The following DSCAM variants were observed in gnomAD, a reference collection of about 807,000 sequenced individuals.
DSCAM encodes the protein DS cell adhesion molecule.
In DSCAM, 47 loss-of-function variants were observed where a neutral mutation model predicts 217.7. The observed-to-expected ratio is 0.22, with a 90% CI of 0.17 to 0.28. The LOEUF (loss-of-function observed/expected upper bound fraction) is 0.28, where lower values mean the gene tolerates loss of function less well. Ranked by LOEUF, DSCAM falls within the 10% of genes least tolerant of loss-of-function variation. The probability of loss-of-function intolerance (pLI) is 1.00; values close to 1 mark genes in which losing one functional copy is unlikely to be tolerated. For synonymous variants in DSCAM, 1,056 were observed against 1,015.3 expected (o/e 1.04, Z -0.76); for missense variants, 2,080 against 2,618.3 (o/e 0.79, Z 4.49).
At chr21:40,647,486 A>G (rs2089961739) in intron 3 of DSCAM, among the ~76,000 whole-genome samples, 1 of 149,684 alleles carries the variant, frequency 6.7e-6, no homozygotes, top group Non-Finnish European at 1.5e-5. Context: ...GCCAGTTTTT[A>G]TGGTTATTAA....
chr21:40,457,184 G>A (rs544555326), intron 3 of DSCAM, among the ~76,000 whole-genome samples: 14 of 152,118 alleles, frequency 9.2e-5, no homozygotes, highest in Non-Finnish European at 1.8e-4. Flanking sequence ...TTTCATCTCT[G>A]GCCATAGTGG....
At chr21:40,652,718 C>T (rs1019891664) in intron 3 of DSCAM, among the ~76,000 whole-genome samples, 2 of 152,036 alleles carry the variant, frequency 1.3e-5, no homozygotes, top group African/African-American at 4.8e-5. Flanking sequence ...TTGACTGACT[C>T]CTAGGAGGTA....
chr21:40,073,987 G>A (rs1402907093), intron 27 of DSCAM, among the ~76,000 whole-genome samples: 1 of 152,224 alleles, frequency 6.6e-6, no homozygotes, highest in Non-Finnish European at 1.5e-5. Flanking sequence ...CAGAGCAAAA[G>A]CAAGTTGATA....
intron 11 of DSCAM, among the ~76,000 whole-genome samples, chr21:40,253,868 T>G (rs2146964855): frequency 6.6e-6 from 1 of 152,322 alleles, no homozygotes; most frequent in Middle Eastern, 3.4e-3. Context: ...TGGTAATTGT[T>G]AAGTATGGCA....
chr21:40,324,970 T>C (rs892982931), intron 8 of DSCAM, among the ~76,000 whole-genome samples: 4 of 152,188 alleles, frequency 2.6e-5, no homozygotes, highest in African/African-American at 9.6e-5. Context: ...ATAACAAAAG[T>C]AAACAAGATT....
intron 11 of DSCAM, among the ~76,000 whole-genome samples, chr21:40,208,751 C>G (rs2091152297): frequency 6.6e-6 from 1 of 152,186 alleles, no homozygotes; most frequent in East Asian, 1.9e-4. Flanking sequence ...TAGCCCTACA[C>G]AAAATCCCCT....
intron 27 of DSCAM, among the ~76,000 whole-genome samples, chr21:40,071,116 T>C (rs1374044171): frequency 1.3e-5 from 2 of 152,190 alleles, no homozygotes; most frequent in Admixed American, 6.5e-5. Flanking sequence ...AGTTGATTAC[T>C]TGACACGGGA....
At chr21:40,795,187 T>C (rs1237654442) in intron 1 of DSCAM, among the ~76,000 whole-genome samples, 2 of 152,170 alleles carry the variant, frequency 1.3e-5, no homozygotes, top group Admixed American at 1.3e-4. Flanking sequence ...CTGTCCACAA[T>C]TGCCTGGACT....
intron 8 of DSCAM, among the ~76,000 whole-genome samples, chr21:40,333,078 C>CA (rs1422180756): frequency 2.0e-5 from 3 of 152,104 alleles, no homozygotes; most frequent in Non-Finnish European, 2.9e-5. Context: ...TTTGCTCTTC[C>CA]AAAATTAGCT....
At chr21:40,034,079 A>AAAACAG (rs1601250346) in intron 32 of DSCAM, among the ~76,000 whole-genome samples, 3 of 1,088 alleles carry the variant, frequency 2.8e-3, no homozygotes, top group Admixed American at 0.013. Flanking sequence ...AGATGGGGAA[A>AAAACAG]AACTGGAAAC....
At position 40,486,118 on chromosome 21, in the gene DSCAM, G is replaced by A. The variant is rs2076025996; in HGVS notation, c.509-116873C>T. ...CCCTGATTCCTAGAGGTCAGCCATA[G>A]ATGGCTAACAGATCACCCAACTATA... On this transcript the variant is annotated intron_variant, in intron 3 of 32. Coordinates refer to ENST00000400454, the MANE Select transcript of DSCAM (RefSeq NM_001389.5). 1.3e-5 allele frequency among the ~76,000 whole-genome samples: 2 copies of A among 152,180 alleles called. 1 individual carries two copies. The highest frequency in any genetic ancestry group is 2.9e-5 in the Non-Finnish European group (2 of 68,046).
intron 3 of DSCAM, among the ~76,000 whole-genome samples, chr21:40,566,501 G>A (rs973907978): frequency 2.0e-5 from 3 of 152,086 alleles, no homozygotes; most frequent in South Asian, 2.1e-4. Context: ...TTTTCACACC[G>A]CTACTCACCA....
chr21:40,080,230 T>G lies in DSCAM; in HGVS notation c.4342A>C (p.Lys1448Gln). 2 of 1,613,584 alleles carry G rather than the reference T, an allele frequency of 1.2e-6. No individual in the cohort carries two copies. Among genetic ancestry groups the G allele is most frequent in the Non-Finnish European group, 1.7e-6 (2 of 1,179,932 alleles). ...CCATTTTGGGCTGTCAGTGTGAACT[T>G]ATACCAAGTCCCACATTTGAGATTT... ...LENLKCGTWYKFTLTAQNGVG... is the reference protein window; with the variant it reads ...LENLKCGTWYQFTLTAQNGVG... Residue 1448 changes from lysine (K) to glutamine (Q), a missense_variant, in exon 25 of 33, where the codon AAG (lysine) becomes CAG (glutamine). This residue lies in a region of DSCAM where 1,144 missense variants were observed against 1,421.1 expected (regional missense o/e 0.81). Coordinates refer to ENST00000400454, the MANE Select transcript of DSCAM (RefSeq NM_001389.5).
intron 15 of DSCAM, 77 bp from the exon 16 acceptor site, chr21:40,167,365 T>C (rs1162857482): frequency 1.5e-6 from 2 of 1,309,054 alleles, no homozygotes; most frequent in Admixed American, 1.8e-5. Flanking sequence ...CCAAAGGTGG[T>C]CCCCGAGGAC....
In DSCAM at chr21:40,353,633, A is replaced by C; in HGVS notation, c.766T>G (p.Tyr256Asp). 1 of 1,611,830 alleles carries C rather than the reference A, an allele frequency of 6.2e-7. No homozygotes were observed. The stretch of plus-strand genomic sequence containing the variant: ...GGCATGTTGTCCTTCAGCCAGCGGT[A>C]ATCTGGCTCAGGGTGCCCGAGCGCT... ...CKALGHPEPD[Y>D]RWLKDNMPLE... Residue 256 changes from tyrosine (Y) to aspartate (D), a missense_variant, in exon 5 of 33, where the codon TAC (tyrosine) becomes GAC (aspartate). This residue lies in a region of DSCAM where 568 missense variants were observed against 678.1 expected (regional missense o/e 0.84). Transcript: ENST00000400454.
intron 32 of DSCAM, among the ~76,000 whole-genome samples, chr21:40,014,199 A>C (rs986875641): frequency 1.3e-5 from 2 of 152,140 alleles, no homozygotes; most frequent in African/African-American, 4.8e-5. Flanking sequence ...AAGACCAGCC[A>C]GGCCAACATG....
At chr21:40,498,687 A>G (rs1446126101) in intron 3 of DSCAM, among the ~76,000 whole-genome samples, 1 of 7,354 alleles carries the variant, frequency 1.4e-4, no homozygotes, top group Non-Finnish European at 2.1e-4. Flanking sequence ...ATATATATAT[A>G]TATATATATA....
intron 16 of DSCAM, among the ~76,000 whole-genome samples, chr21:40,145,719 T>G (rs770657151): frequency 3.6e-4 from 54 of 151,942 alleles, no homozygotes; most frequent in Non-Finnish European, 4.4e-4. Flanking sequence ...GTGGTGGGTG[T>G]CTGTAGTCCC....
At chr21:40,374,938 C>T (rs1249917281) in intron 3 of DSCAM, among the ~76,000 whole-genome samples, 2 of 152,058 alleles carry the variant, frequency 1.3e-5, no homozygotes, top group Admixed American at 6.5e-5. Flanking sequence ...TGATAGTAGC[C>T]CAAGCTGACC....
Sources: allele counts gnomAD v4.1 joint callset (sites outside exome capture counted in the v4.1 genomes callset), GRCh38; gene constraint gnomAD v4.1.1; regional missense constraint gnomAD v4.1.1; transcripts MANE v1.5; gene names NCBI Gene and HGNC (gene_info 2026-07-23, HGNC 2026-07-21).